SETBP1: variants seen among roughly 807,000 people sequenced by gnomAD.
SETBP1 encodes SET-binding protein.
Under a neutral mutation model 101.0 loss-of-function variants are expected in SETBP1, and 9 were observed. The observed-to-expected ratio is 0.09, with a 90% confidence interval of 0.05 to 0.16. The LOEUF (loss-of-function observed/expected upper bound fraction) is 0.16, where lower values mean the gene tolerates loss of function less well. Ranked by LOEUF, SETBP1 falls within the 10% of genes least tolerant of loss-of-function variation. SETBP1 has a pLI of 1.00. For synonymous variants in SETBP1, 818 were observed against 788.5 expected, an observed-to-expected ratio of 1.04 and a Z score of -0.63; for missense variants, 1,858 against 2,033.8, an observed-to-expected ratio of 0.91 and a Z score of 1.66.
chr18:45,022,755 A>C (rs1278221329), intron 4 of SETBP1, among the ~76,000 whole-genome samples: 3 of 151,696 alleles, frequency 2.0e-5, no homozygotes, highest in Non-Finnish European at 4.4e-5. Flanking sequence ...ACTGGAAGCC[A>C]GGAGGCAGAG....
At chr18:44,897,235 A>G (rs528345536) in intron 3 of SETBP1, among the ~76,000 whole-genome samples, 110 of 152,328 alleles carry the variant, frequency 7.2e-4, no homozygotes, top group African/African-American at 2.5e-3. Flanking sequence ...GTCTGTGGCC[A>G]CATAACTCAC....
intron 2 of SETBP1, among the ~76,000 whole-genome samples, chr18:44,835,150 T>C (rs1272780536): frequency 2.0e-5 from 3 of 152,038 alleles, no homozygotes; most frequent in Non-Finnish European, 4.4e-5. Flanking sequence ...GGAAGGTCCC[T>C]GGGTTGGGAG....
intron 4 of SETBP1, among the ~76,000 whole-genome samples, chr18:44,997,364 G>A (rs936596631): frequency 1.3e-5 from 2 of 152,078 alleles, no homozygotes; most frequent in East Asian, 3.9e-4. Flanking sequence ...CTTATGCTTG[G>A]CCTATTTGCC....
At chr18:44,982,632 T>C (rs1337943827) in intron 4 of SETBP1, among the ~76,000 whole-genome samples, 2 of 152,238 alleles carry the variant, frequency 1.3e-5, no homozygotes, top group Non-Finnish European at 2.9e-5. Context: ...ATATAGAGAC[T>C]GAAAGCTCTA....
intron 3 of SETBP1, among the ~76,000 whole-genome samples, chr18:44,937,589 G>T (rs2070992644): frequency 6.6e-6 from 1 of 152,112 alleles, no homozygotes; most frequent in Non-Finnish European, 1.5e-5. Context: ...CAGAACCTGA[G>T]CCTCCCCACC....
chr18:44,867,514 T>C (rs1219009871), intron 2 of SETBP1, among the ~76,000 whole-genome samples: 4 of 152,242 alleles, frequency 2.6e-5, no homozygotes, highest in Admixed American at 2.6e-4. Context: ...GATGTACACA[T>C]GTCTGCATGT....
chr18:44,746,335 G>C (rs2070246624), intron 2 of SETBP1, among the ~76,000 whole-genome samples: 1 of 152,216 alleles, frequency 6.6e-6, no homozygotes, highest in Non-Finnish European at 1.5e-5. Flanking sequence ...AGCGTTGCTA[G>C]CTTGGCACAT....
intron 4 of SETBP1, among the ~76,000 whole-genome samples, 166 bp from the exon 5 acceptor site, chr18:45,038,319 T>C (rs987188607): frequency 6.6e-6 from 1 of 152,192 alleles, no homozygotes; most frequent in African/African-American, 2.4e-5. Flanking sequence ...GCAAAACCAG[T>C]CATAGCTATT....
intron 4 of SETBP1, among the ~76,000 whole-genome samples, chr18:44,996,612 C>T (rs1408872393): frequency 1.3e-5 from 2 of 152,236 alleles, no homozygotes; most frequent in African/African-American, 4.8e-5. Context: ...TTCCAAAGGG[C>T]TTTCCCATAT....
chr18:44,983,030 C>A (rs867410633), intron 4 of SETBP1, among the ~76,000 whole-genome samples: 1 of 152,110 alleles, frequency 6.6e-6, no homozygotes. Context: ...ACCGAAAACC[C>A]CTGTCTAATA....
At chr18:44,926,603 G>A (rs1294266145) in intron 3 of SETBP1, among the ~76,000 whole-genome samples, 1 of 152,168 alleles carries the variant, frequency 6.6e-6, no homozygotes, top group Non-Finnish European at 1.5e-5. Flanking sequence ...TAAGCTAGTG[G>A]ATCAAGGAAA....
chr18:44,798,004 AG>A (rs2144760407), intron 2 of SETBP1, among the ~76,000 whole-genome samples: 1 of 152,268 alleles, frequency 6.6e-6, no homozygotes, highest in South Asian at 2.1e-4. Flanking sequence ...CTGACATCTA[AG>A]CAGTCACCTG....
chr18:44,778,357 T>A (rs1413800764), intron 2 of SETBP1, among the ~76,000 whole-genome samples: 1 of 152,200 alleles, frequency 6.6e-6, no homozygotes, highest in Non-Finnish European at 1.5e-5. Flanking sequence ...TTCTCTGAGT[T>A]TTATTCGGGG....
chr18:44,749,546 A>G (rs190801607), intron 2 of SETBP1, among the ~76,000 whole-genome samples: 27 of 152,310 alleles, frequency 1.8e-4, no homozygotes, highest in African/African-American at 5.8e-4. Flanking sequence ...TTTTAGCAAG[A>G]AAGTATGAAG....
At chr18:44,776,427 A>T (rs1361677272) in intron 2 of SETBP1, among the ~76,000 whole-genome samples, 2 of 152,152 alleles carry the variant, frequency 1.3e-5, no homozygotes, top group African/African-American at 4.8e-5. Flanking sequence ...ATCTCCTCTC[A>T]TTTCATTTAG....
intron 2 of SETBP1, among the ~76,000 whole-genome samples, chr18:44,703,833 A>G (rs1416694782): frequency 6.6e-6 from 1 of 152,236 alleles, no homozygotes; most frequent in Non-Finnish European, 1.5e-5. Context: ...AGAAAATGCA[A>G]CAGTTCAAAT....
At chr18:44,818,577 T>A (rs1490449453) in intron 2 of SETBP1, among the ~76,000 whole-genome samples, 1 of 152,088 alleles carries the variant, frequency 6.6e-6, no homozygotes, top group African/African-American at 2.4e-5. Context: ...CCATCCCCCA[T>A]CCATATTAAC....
chr18:45,053,438 T>C (rs1167577285), intron 5 of SETBP1, among the ~76,000 whole-genome samples: 1 of 152,218 alleles, frequency 6.6e-6, no homozygotes, highest in Non-Finnish European at 1.5e-5. Context: ...ATTATGTTTA[T>C]TGAGAAGCAA....
chr18:44,883,183 A>G (rs2069569574), intron 3 of SETBP1, among the ~76,000 whole-genome samples: 1 of 152,200 alleles, frequency 6.6e-6, no homozygotes. Context: ...TTGTTCACAT[A>G]TGAACTCAGA....
Sources: gnomAD v4.1 joint callset for allele counts (sites outside exome capture counted in the v4.1 genomes callset) on GRCh38, gnomAD v4.1.1 for gene constraint, MANE v1.5 for transcripts, NCBI Gene and HGNC (gene_info 2026-07-23, HGNC 2026-07-21) for gene names.